The following ABCB4 variants were observed in gnomAD, a reference collection of about 807,000 sequenced individuals.
The protein encoded by ABCB4 is ATP binding cassette subfamily B member 4, also known as phosphatidylcholine translocator ABCB4.
Under a neutral mutation model 145.7 loss-of-function variants are expected in ABCB4, and 76 were observed. The ratio of observed to expected loss-of-function variants is 0.52; its 90% confidence interval spans 0.43 to 0.63. ABCB4 has a LOEUF of 0.63. ABCB4 is among the 30% of genes least tolerant of loss of function. ABCB4 has a pLI of 0.00. For missense variants in ABCB4, 1,234 were observed against 1,553.1 expected (o/e 0.79, Z 3.45); for synonymous variants, 517 against 566.8 (o/e 0.91, Z 1.25).
chr7:87,406,806 C>T (rs1314045482), intron 25 of ABCB4, among the ~76,000 whole-genome samples: 1 of 152,188 alleles, frequency 6.6e-6, no homozygotes, highest in Non-Finnish European at 1.5e-5. Context: ...AAGCCTGCAT[C>T]AAGGTGTCCC....
At chr7:87,454,447 A>G (rs1811976888) in intron 5 of ABCB4, 88 bp downstream of exon 5, 5 of 1,070,818 alleles carry the variant, frequency 4.7e-6, no homozygotes, top group Non-Finnish European at 6.9e-6. Flanking sequence ...GGTAAAGAGT[A>G]CACGTTATTT....
chr7:87,439,958 G>T, intron 13 of ABCB4, 121 bp from the exon 14 acceptor site: 3 of 1,356,346 alleles, frequency 2.2e-6, no homozygotes, highest in African/African-American at 1.5e-5. Context: ...GTATCATAAA[G>T]TATGATAAGA....
the ABCB4 span, among the ~76,000 whole-genome samples, chr7:87,388,148 G>T: frequency 2.6e-5 from 4 of 152,100 alleles, no homozygotes; most frequent in Non-Finnish European, 4.4e-5. Flanking sequence ...TCAAAGAGCT[G>T]CTCTTCTCTC....
intron 4 of ABCB4, among the ~76,000 whole-genome samples, chr7:87,461,179 A>G (rs1812434845): frequency 6.6e-6 from 1 of 152,140 alleles, no homozygotes; most frequent in Non-Finnish European, 1.5e-5. Context: ...TCCCAAACTC[A>G]AAACTTAATT....
chr7:87,433,588 G>A (rs905150044), intron 14 of ABCB4, among the ~76,000 whole-genome samples: 5 of 151,656 alleles, frequency 3.3e-5, no homozygotes, highest in South Asian at 2.1e-4. Flanking sequence ...AATAAAGTAC[G>A]TGTTCATCAA....
the ABCB4 span, among the ~76,000 whole-genome samples, chr7:87,383,028 T>G: frequency 6.6e-6 from 1 of 152,208 alleles, no homozygotes; most frequent in African/African-American, 2.4e-5. Flanking sequence ...GTGATTTTTT[T>G]GATACATGCA....
In ABCB4 at chr7:87,454,669, T is replaced by G. The variant is rs767951458; in HGVS notation, c.287-77A>C. The G allele has an allele frequency of 2.9e-4, 314 of 1,081,124 alleles. 1 individual carries two copies. Among genetic ancestry groups the G allele is most frequent in the Non-Finnish European group, 3.8e-4 (279 of 728,674 alleles). The allele number at this position is 1,081,124 out of a possible 1,614,324, so 67.0% of individuals were successfully genotyped here. Reference sequence around the variant, plus strand: ...CATTGCCAGGTTTTTAAAAATCTGTTAATAATTTAAATGTATGAAAGCTAG... The same window carrying G: ...CATTGCCAGGTTTTTAAAAATCTGTGAATAATTTAAATGTATGAAAGCTAG... On this transcript the variant is annotated intron_variant, in intron 4 of 27. Transcript: ENST00000649586.
chr7:87,375,578 A>G, the ABCB4 span: 10 of 1,347,680 alleles, frequency 7.4e-6, no homozygotes, highest in Non-Finnish European at 1.1e-5. Flanking sequence ...TAAAGGCCAA[A>G]GTAGTTACTT....
chr7:87,389,834 C>G, the ABCB4 span, among the ~76,000 whole-genome samples: 2 of 17,062 alleles, frequency 1.2e-4, no homozygotes, highest in African/African-American at 1.6e-4. Flanking sequence ...GTTGTTGTTC[C>G]TAGCATTAAG....
At chr7:87,467,034 A>T (rs1812954548) in intron 3 of ABCB4, among the ~76,000 whole-genome samples, 1 of 152,230 alleles carries the variant, frequency 6.6e-6, no homozygotes, top group African/African-American at 2.4e-5. Flanking sequence ...GACAGGATCA[A>T]ATCCACACAT....
intron 27 of ABCB4, 116 bp downstream of exon 27, chr7:87,403,019 T>G: frequency 8.7e-7 from 1 of 1,155,292 alleles, no homozygotes; most frequent in Non-Finnish European, 1.3e-6. Context: ...TAAAAACCAC[T>G]ATCTAACGTT....
chr7:87,421,705 C>T (rs558446700), intron 18 of ABCB4, among the ~76,000 whole-genome samples: 33 of 152,236 alleles, frequency 2.2e-4, no homozygotes, highest in South Asian at 1.0e-3. Flanking sequence ...AGGTCTACAA[C>T]GTTAGAATGC....
the ABCB4 span, among the ~76,000 whole-genome samples, chr7:87,393,997 C>T: frequency 2.0e-5 from 3 of 152,116 alleles, no homozygotes; most frequent in African/African-American, 7.2e-5. Flanking sequence ...TCTATTTCAT[C>T]ATTTACTACC....
At chr7:87,406,638 AGGCCAGCAT>A (rs2116346010) in intron 25 of ABCB4, 144 bp from the exon 26 acceptor site, 1 of 851,988 alleles carries the variant, frequency 1.2e-6, no homozygotes, top group Non-Finnish European at 1.8e-6. Flanking sequence ...TATACCATTG[AGGCCAGCAT>A]GGCCAACATG....
At position 87,418,560 on chromosome 7, in the gene ABCB4, T is replaced by C. The variant is rs771009867; in HGVS notation, c.2455A>G (p.Thr819Ala). ...STGALSTRLA[T>A]DAAQVQGATG... ...ACTCCTTGGACTTGGGCAGCATCTGTGGCAAGTCTTGTAGAAAGTGCACCA... is the reference window on the plus strand; with the variant it reads ...ACTCCTTGGACTTGGGCAGCATCTGCGGCAAGTCTTGTAGAAAGTGCACCA... Residue 819 changes from threonine (T) to alanine (A), a missense_variant, in exon 20 of 28, where the codon ACA becomes GCA. Physicochemically the swap from Thr to Ala is moderately conservative, Grantham distance 58. Around this residue, in one of 7 missense-constraint regions of ABCB4, gnomAD observed 321 missense variants for 332.6 expected, o/e 0.97. Coordinates refer to ENST00000649586, the MANE Select transcript of ABCB4 (RefSeq NM_000443.4). 1 of 1,614,154 alleles carries C rather than the reference T, an allele frequency of 6.2e-7. No homozygotes were observed. The highest frequency in any genetic ancestry group is 8.5e-7 in the Non-Finnish European group (1 of 1,179,990).
At chr7:87,383,453 T>G in the ABCB4 span, among the ~76,000 whole-genome samples, 1 of 152,154 alleles carries the variant, frequency 6.6e-6, no homozygotes, top group Non-Finnish European at 1.5e-5. Context: ...CATTCTTTGT[T>G]TTTTTATTTT....
intron 10 of ABCB4, among the ~76,000 whole-genome samples, chr7:87,444,224 GA>G (rs982193903): frequency 6.6e-6 from 1 of 152,124 alleles, no homozygotes; most frequent in African/African-American, 2.4e-5. Flanking sequence ...CAGTTATTTA[GA>G]AATAATGTAA....
At chr7:87,401,040 G>A (rs1248495770), downstream of ABCB4, among the ~76,000 whole-genome samples, 1 of 152,172 alleles carries the variant, frequency 6.6e-6, no homozygotes, top group Non-Finnish European at 1.5e-5. Context: ...TTCTGATCAG[G>A]CAAGTTTGGG....
chr7:87,465,630 C>T (rs1812824862), intron 3 of ABCB4, among the ~76,000 whole-genome samples: 1 of 152,200 alleles, frequency 6.6e-6, no homozygotes, highest in Admixed American at 6.5e-5. Context: ...CCCCGAGTAG[C>T]CTAACTGGGA....
Sources: allele counts gnomAD v4.1 joint callset (sites outside exome capture counted in the v4.1 genomes callset), GRCh38; gene constraint gnomAD v4.1.1; regional missense constraint gnomAD v4.1.1; transcripts MANE v1.5; gene names NCBI Gene and HGNC (gene_info 2026-07-23, HGNC 2026-07-21).